Variants in NCAM2 observed in about 807,000 individuals in gnomAD.
NCAM2 encodes N-CAM-2.
NCAM2 carries 30 observed loss-of-function variants against 98.1 expected under a neutral mutation model. The observed-to-expected ratio is 0.31, with a 90% CI of 0.23 to 0.41. The LOEUF is 0.41. Ranked by LOEUF, NCAM2 falls within the 10% of genes least tolerant of loss-of-function variation. NCAM2 has a pLI of 1.00. For missense variants in NCAM2, 867 were observed against 1,005.8 expected (o/e 0.86, Z 1.87); for synonymous variants, 368 against 342.4 (o/e 1.07, Z -0.83).
intron 1 of NCAM2, among the ~76,000 whole-genome samples, chr21:21,079,717 G>A (rs546867045): frequency 6.6e-6 from 1 of 151,870 alleles, no homozygotes; most frequent in Admixed American, 6.6e-5. Context: ...TCACTGGATT[G>A]TCTTCTAAAA....
In NCAM2 at chr21:21,537,896, C is replaced by T. The variant is rs760356396; in HGVS notation, c.2453C>T (p.Thr818Ile). 6.3e-6 allele frequency: 10 copies of T among 1,582,032 alleles called. No homozygotes were observed. The South Asian group carries it at 7.0e-5, about 11-fold the overall frequency. ...EDGKEALNPE[T>I]IEIKVSNDII... ...GGGAAAGAAGCTCTAAATCCAGAAA[C>T]TATAGAAATTAAAGTTTCTAACGAC... The change falls in exon 18 of 18, where the codon ACT (threonine) becomes ATT (isoleucine). Residue 818 changes from threonine to isoleucine, a missense_variant. This residue lies in a region of NCAM2 where 125 missense variants were observed against 116.1 expected (regional missense o/e 1.08). Coordinates refer to ENST00000400546, the MANE Select transcript of NCAM2 (RefSeq NM_004540.5).
At chr21:21,115,886 T>C (rs763095825) in intron 1 of NCAM2, among the ~76,000 whole-genome samples, 33 of 152,108 alleles carry the variant, frequency 2.2e-4, no homozygotes, top group Non-Finnish European at 3.8e-4. Context: ...AATACTGAAA[T>C]GAATTTTTGG....
rs562806905 is a variant in NCAM2 at position 21,441,729 on chromosome 21, G to C, written c.1654+9448G>C. On this transcript the variant is annotated intron_variant, in intron 12 of 17. Transcript: ENST00000400546. The stretch of plus-strand genomic sequence containing the variant: ...TCAGCAGAGACTGGGAAAGATGAAC[G>C]TGGTATCCTGGAGGAAAGCCTCCCA... Among the ~76,000 whole-genome samples the C allele has an allele frequency of 1.8e-4, 27 of 151,302 alleles. No homozygotes were observed. The Middle Eastern group carries it at 0.01, about 57-fold the overall frequency.
chr21:21,205,493 G>T (rs950093003), intron 1 of NCAM2, among the ~76,000 whole-genome samples: 1 of 152,074 alleles, frequency 6.6e-6, no homozygotes, highest in East Asian at 1.9e-4. Context: ...TTTAAGTTTA[G>T]ATAATTTTTA....
intron 1 of NCAM2, among the ~76,000 whole-genome samples, chr21:21,221,438 A>T (rs1284999278): frequency 1.5e-5 from 2 of 137,120 alleles, no homozygotes; most frequent in Admixed American, 1.6e-4. Flanking sequence ...ACAGTTAGCC[A>T]AGTTGGTAAT....
chr21:21,087,999 T>C (rs1295386600), intron 1 of NCAM2, among the ~76,000 whole-genome samples: 2 of 152,192 alleles, frequency 1.3e-5, no homozygotes, highest in Non-Finnish European at 2.9e-5. Context: ...CTCTGTAAAT[T>C]CACCTTGAAA....
intron 1 of NCAM2, among the ~76,000 whole-genome samples, chr21:21,024,723 GA>G (rs888897129): frequency 5.9e-5 from 9 of 151,528 alleles, no homozygotes; most frequent in Non-Finnish European, 1.2e-4. Flanking sequence ...TAAAAATACA[GA>G]AAAAGAAAAA....
chr21:21,267,730 C>T (rs1450222517), intron 1 of NCAM2, among the ~76,000 whole-genome samples: 1 of 152,110 alleles, frequency 6.6e-6, no homozygotes, highest in African/African-American at 2.4e-5. Flanking sequence ...ACTATTACAG[C>T]ATTTAACATT....
At chr21:21,430,109 A>G (rs905281747) in intron 11 of NCAM2, among the ~76,000 whole-genome samples, 1 of 151,796 alleles carries the variant, frequency 6.6e-6, no homozygotes, top group Non-Finnish European at 1.5e-5. Context: ...ACTCACTGCA[A>G]CTTCTACCTC....
chr21:21,352,783 G>A (rs2075376469), intron 8 of NCAM2, among the ~76,000 whole-genome samples: 1 of 138,760 alleles, frequency 7.2e-6, no homozygotes, highest in African/African-American at 2.7e-5. Flanking sequence ...TGTTGCACAT[G>A]TACCCTAAAA....
intron 12 of NCAM2, among the ~76,000 whole-genome samples, chr21:21,435,233 C>G (rs1476856065): frequency 6.6e-6 from 1 of 152,194 alleles, no homozygotes; most frequent in African/African-American, 2.4e-5. Flanking sequence ...CATTTCTTTG[C>G]AGCTGATCTC....
intron 5 of NCAM2, among the ~76,000 whole-genome samples, chr21:21,316,636 C>T (rs2074231040): frequency 6.6e-6 from 1 of 150,816 alleles, no homozygotes; most frequent in South Asian, 2.1e-4. Context: ...CTCTGCCTCC[C>T]AGGTTCAAGT....
At chr21:21,537,171 T>C (rs1443997416) in intron 17 of NCAM2, among the ~76,000 whole-genome samples, 1 of 152,150 alleles carries the variant, frequency 6.6e-6, no homozygotes, top group South Asian at 2.1e-4. Flanking sequence ...TGATCTCAGC[T>C]CACTGCAATC....
intron 8 of NCAM2, among the ~76,000 whole-genome samples, chr21:21,345,795 G>T (rs908183024): frequency 2.6e-5 from 4 of 152,076 alleles, no homozygotes; most frequent in African/African-American, 4.8e-5. Flanking sequence ...CCTAAAGAAG[G>T]TACTACATCA....
chr21:21,195,860 GGAATTAAGTCACT>G (rs1306680550), intron 1 of NCAM2, among the ~76,000 whole-genome samples: 2 of 152,100 alleles, frequency 1.3e-5, no homozygotes, highest in Non-Finnish European at 2.9e-5. Context: ...GCCAAACCTA[GGAATTAAGTCACT>G]GAATGAAGAA....
chr21:21,530,862 C>G (rs1315783899), intron 16 of NCAM2, among the ~76,000 whole-genome samples: 2 of 151,426 alleles, frequency 1.3e-5, no homozygotes, highest in Non-Finnish European at 2.9e-5. Context: ...AATGGAAGGC[C>G]AAAACTGAAA....
chr21:21,017,879 A>G (rs1264348127), intron 1 of NCAM2, among the ~76,000 whole-genome samples: 2 of 152,170 alleles, frequency 1.3e-5, no homozygotes. Context: ...GTGTGTGTGT[A>G]TATACTTATA....
At chr21:21,500,052 G>T (rs1057221742) in intron 15 of NCAM2, among the ~76,000 whole-genome samples, 9 of 151,884 alleles carry the variant, frequency 5.9e-5, no homozygotes, top group African/African-American at 2.2e-4. Context: ...CACCCATCTT[G>T]GAAGTGGATA....
intron 11 of NCAM2, among the ~76,000 whole-genome samples, chr21:21,429,944 A>G (rs1204200531): frequency 6.6e-6 from 1 of 152,156 alleles, no homozygotes; most frequent in African/African-American, 2.4e-5. Context: ...TATAAGGCAT[A>G]TTTTTATATG....
Sources: gnomAD v4.1 joint callset for allele counts (sites outside exome capture counted in the v4.1 genomes callset) on GRCh38, gnomAD v4.1.1 for gene constraint, gnomAD v4.1.1 regional missense constraint, MANE v1.5 for transcripts, NCBI Gene and HGNC (gene_info 2026-07-23, HGNC 2026-07-21) for gene names.